The following AGR3 variants were observed in gnomAD, a reference collection of about 807,000 sequenced individuals.
AGR3 encodes the protein anterior gradient protein 3.
A neutral mutation model predicts 24.5 loss-of-function variants in AGR3; 37 were observed. The ratio of observed to expected loss-of-function variants is 1.51; its 90% CI spans 1.16 to 1.99. The LOEUF (loss-of-function observed/expected upper bound fraction) is 1.99. AGR3 is among the 30% of genes most tolerant of loss of function. The pLI is 0.00. For missense variants in AGR3, 228 were observed against 191.1 expected (o/e 1.19, Z -1.14); for synonymous variants, 75 against 61.6 (o/e 1.22, Z -1.02).
At chr7:16,879,755 GA>G (rs2115319620) in intron 1 of AGR3, among the ~76,000 whole-genome samples, 1 of 152,268 alleles carries the variant, frequency 6.6e-6, no homozygotes, top group African/African-American at 2.4e-5. Context: ...AGGCATTGTG[GA>G]AAATGAAAAG....
chr7:16,861,238 G>T, intron 6 of AGR3, 146 bp downstream of exon 6: 1 of 571,596 alleles, frequency 1.7e-6, no homozygotes, highest in African/African-American at 1.9e-5. Context: ...GATTTTGATT[G>T]TAGAACTAAC....
intron 2 of AGR3, among the ~76,000 whole-genome samples, chr7:16,876,062 T>A (rs979227586): frequency 6.6e-6 from 1 of 152,216 alleles, no homozygotes; most frequent in Non-Finnish European, 1.5e-5. Context: ...AAGGAACATC[T>A]GCTGCATAAC....
At chr7:16,875,742 T>C (rs1288138111) in intron 2 of AGR3, among the ~76,000 whole-genome samples, 3 of 152,128 alleles carry the variant, frequency 2.0e-5, no homozygotes, top group African/African-American at 7.2e-5. Flanking sequence ...TTTTGTTTTT[T>C]GTTTTTTTTT....
At chr7:16,866,348 T>C (rs939430230) in intron 3 of AGR3, 3 of 435,102 alleles carry the variant, frequency 6.9e-6, no homozygotes, top group South Asian at 4.0e-5. Context: ...ATAGGACCTG[T>C]AGTACATTAA....
At chr7:16,867,806 G>T (rs959714372) in intron 3 of AGR3, among the ~76,000 whole-genome samples, 5 of 152,116 alleles carry the variant, frequency 3.3e-5, no homozygotes, top group African/African-American at 9.7e-5. Context: ...CTATGTTGTT[G>T]CAAATGACAG....
Position 16,872,445 on chromosome 7 carries a change from C to A in AGR3, c.173+1335G>T, listed in dbSNP as rs573413304. ...CTAGACTCCTAACTCTTACCATATG[C>A]AGAAATCAATTCAAAATGGACTAAA... On this transcript the variant is annotated intron_variant, in intron 3 of 7. Transcript: ENST00000310398. 2.0e-5 allele frequency among the ~76,000 whole-genome samples: 3 copies of A among 152,276 alleles called. No homozygotes were observed. In the South Asian group the frequency reaches 6.2e-4, roughly 32 times the overall value.
downstream of AGR3, among the ~76,000 whole-genome samples, chr7:16,855,328 TGTTAC>T (rs1298012723): frequency 1.3e-5 from 2 of 152,200 alleles, no homozygotes; most frequent in East Asian, 3.8e-4. Context: ...CAATTCAACC[TGTTAC>T]TGTATCCTAT....
downstream of AGR3, among the ~76,000 whole-genome samples, chr7:16,857,542 T>G (rs541483240): frequency 6.6e-6 from 1 of 152,336 alleles, no homozygotes; most frequent in Non-Finnish European, 1.5e-5. Context: ...GCTATATTTC[T>G]TTAGTCTTCA....
At chr7:16,858,836 C>T (rs149369695), downstream of AGR3, among the ~76,000 whole-genome samples, 484 of 152,130 alleles carry the variant, frequency 3.2e-3, 3 homozygotes, top group African/African-American at 0.011. Context: ...GCCAAGAGTG[C>T]GCCACTGCAC....
At chr7:16,865,716 CTT>C in intron 3 of AGR3, 1 of 767,212 alleles carries the variant, frequency 1.3e-6, no homozygotes, top group Non-Finnish European at 2.4e-6. Flanking sequence ...AGTAGAAACT[CTT>C]TGCAAACTGC....
In AGR3 at chr7:16,861,381, T is replaced by C. The variant is rs768377477; in HGVS notation, c.367+3A>G. On this transcript the variant is annotated splice_donor_region_variant and intron_variant, in intron 6 of 7. Coordinates refer to ENST00000310398, the MANE Select transcript of AGR3 (RefSeq NM_176813.5). The stretch of plus-strand genomic sequence containing the variant: ...ATCTGATGAAATGAGATCACATACA[T>C]ACCTACAAACATGATTCTAGGCACA... The C allele has an allele frequency of 6.2e-7, 1 of 1,602,628 alleles. No individual in the cohort carries two copies. Among genetic ancestry groups the C allele is most frequent in the South Asian group, 1.1e-5 (1 of 89,054 alleles).
chr7:16,873,519 G>A (rs1171463472), intron 3 of AGR3: 2 of 324,508 alleles, frequency 6.2e-6, no homozygotes, highest in Non-Finnish European at 1.1e-5. Flanking sequence ...ATAAGTTTGA[G>A]TAGTATTCTA....
rs1781715058 is a variant in AGR3, at chr7:16,864,605, T to G, written c.174-1943A>C. Reference sequence around the variant, plus strand: ...TGAGCTTGATTTCTCATTGGAATGGTTATTAGAGCAAGGTATGGCAGTAGC... The same window carrying G: ...TGAGCTTGATTTCTCATTGGAATGGGTATTAGAGCAAGGTATGGCAGTAGC... On this transcript the variant is annotated intron_variant, in intron 3 of 7. Coordinates refer to ENST00000310398, the MANE Select transcript of AGR3 (RefSeq NM_176813.5). 8.6e-6 allele frequency: 13 copies of G among 1,510,798 alleles called. No homozygotes were observed. In the South Asian group the frequency reaches 1.4e-4, roughly 16 times the overall value. The allele number at this position is 1,510,798 out of a possible 1,614,324, so 93.6% of individuals were successfully genotyped here.
intron 3 of AGR3, chr7:16,865,114 C>G: frequency 1.3e-6 from 1 of 743,182 alleles, no homozygotes; most frequent in South Asian, 1.6e-5. Context: ...TTCCCCAAAG[C>G]TCGGAAGAGA....
chr7:16,861,976 T>G lies in AGR3; in HGVS notation c.303+8A>C. 6.2e-7 allele frequency: 1 copy of G among 1,601,064 alleles called. No homozygotes were observed. The highest frequency in any genetic ancestry group is 8.5e-7 in the Non-Finnish European group (1 of 1,170,666). On this transcript the variant is annotated splice_region_variant and intron_variant, in intron 5 of 7. Coordinates refer to ENST00000310398, the MANE Select transcript of AGR3 (RefSeq NM_176813.5). ...TAGTATTAAGAAAACATCACAAAGT[T>G]TATGTACCATAAGGTTTAGCATGAT... is the stretch of plus-strand genomic sequence containing the variant.
chr7:16,862,720 G>T, intron 3 of AGR3, 58 bp from the exon 4 acceptor site: 1 of 1,223,716 alleles, frequency 8.2e-7, no homozygotes. Context: ...AAAATATACA[G>T]TAGAGTTAGA....
At chr7:16,880,127 CCT>C (rs1782080533) in intron 1 of AGR3, among the ~76,000 whole-genome samples, 2 of 145,432 alleles carry the variant, frequency 1.4e-5, no homozygotes, top group Non-Finnish European at 3.0e-5. Context: ...TTCCTTCCTT[CCT>C]CTTTCTCTCT....
chr7:16,881,919 T>G (rs1782126608), intron 1 of AGR3, 25 bp downstream of exon 1: 1 of 470,940 alleles, frequency 2.1e-6, no homozygotes, highest in African/African-American at 2.0e-5. Context: ...ACTGATTAAG[T>G]AATCTGGAAA....
At chr7:16,868,142 C>T (rs1403164176) in intron 3 of AGR3, among the ~76,000 whole-genome samples, 2 of 149,936 alleles carry the variant, frequency 1.3e-5, no homozygotes, top group Non-Finnish European at 3.0e-5. Flanking sequence ...TTTTCATCTA[C>T]CTGTTGGCCC....
Sources: allele counts gnomAD v4.1 joint callset (sites outside exome capture counted in the v4.1 genomes callset), GRCh38; gene constraint gnomAD v4.1.1; transcripts MANE v1.5; gene names NCBI Gene and HGNC (gene_info 2026-07-23, HGNC 2026-07-21).